CFAP299: variants seen among roughly 807,000 people sequenced by gnomAD.
The protein encoded by CFAP299 is cilia and flagella associated protein 299.
CFAP299 carries 21 observed loss-of-function variants against 27.0 expected under a neutral mutation model. That is an observed-to-expected ratio of 0.78 (90% CI 0.55 to 1.12). The LOEUF (loss-of-function observed/expected upper bound fraction) is 1.12, where lower values mean the gene tolerates loss of function less well. CFAP299 is among the 50% of genes most tolerant of loss of function. The pLI is 0.00. For synonymous variants in CFAP299, 104 were observed against 98.1 expected (o/e 1.06, Z -0.36); for missense variants, 310 against 276.6 (o/e 1.12, Z -0.86).
At chr4:80,895,798 A>G (rs758999161) in intron 4 of CFAP299, among the ~76,000 whole-genome samples, 10 of 152,016 alleles carry the variant, frequency 6.6e-5, no homozygotes, top group African/African-American at 9.7e-5. Flanking sequence ...GTAAGGAAAA[A>G]CTACTATTAG....
At chr4:80,486,119 T>A (rs1730809123) in intron 2 of CFAP299, among the ~76,000 whole-genome samples, 1 of 151,514 alleles carries the variant, frequency 6.6e-6, no homozygotes, top group Non-Finnish European at 1.5e-5. Context: ...GCCACATGAA[T>A]GACTATTAAG....
chr4:80,647,430 C>A (rs901061175), intron 3 of CFAP299, among the ~76,000 whole-genome samples: 1 of 152,008 alleles, frequency 6.6e-6, no homozygotes, highest in Non-Finnish European at 1.5e-5. Context: ...CATTTGTTTT[C>A]TCTGCATTTT....
chr4:80,583,760 A>G (rs1028585326), intron 3 of CFAP299, among the ~76,000 whole-genome samples: 2 of 151,990 alleles, frequency 1.3e-5, no homozygotes, highest in African/African-American at 4.8e-5. Flanking sequence ...CTTTGTTAAT[A>G]TGATATTTGT....
In CFAP299 at chr4:80,669,145, CTTTCTTT is replaced by C. The variant is rs1741318237; in HGVS notation, c.333+85966_333+85972del. Among the ~76,000 whole-genome samples, 33 of 16,388 alleles carry C rather than the reference CTTTCTTT, an allele frequency of 2.0e-3. 1 individual carries two copies. Among genetic ancestry groups the C allele is most frequent in the East Asian group, 0.015 (4 of 268 alleles). 10.8% of individuals were successfully genotyped at this position (16,388 alleles called of 152,430 possible). On this transcript the variant is annotated intron_variant, in intron 3 of 5. Transcript: ENST00000358105. ...TTTTCTTTTCTGTCTTTCTTTCTTT[CTTTCTTT>C]TTTTTTTTTTTTTTTTTTTTTTTTT...
At chr4:80,326,038 C>T in the CFAP299 span, among the ~76,000 whole-genome samples, 1 of 152,120 alleles carries the variant, frequency 6.6e-6, no homozygotes. Context: ...CTAGTATTTC[C>T]ATTTCCTGTT....
intron 3 of CFAP299, among the ~76,000 whole-genome samples, chr4:80,752,057 G>A (rs1724962737): frequency 6.6e-6 from 1 of 152,132 alleles, no homozygotes; most frequent in Non-Finnish European, 1.5e-5. Flanking sequence ...GGGCTCACAA[G>A]GGGATCTCCT....
chr4:80,678,196 C>G (rs77925317), intron 3 of CFAP299, among the ~76,000 whole-genome samples: 1,638 of 152,082 alleles, frequency 0.011, 33 homozygotes, highest in African/African-American at 0.036. Context: ...CCTGTCCGCT[C>G]TTCTCTGTCC....
chr4:80,805,125 C>A (rs966403454), intron 3 of CFAP299, among the ~76,000 whole-genome samples: 1 of 152,000 alleles, frequency 6.6e-6, no homozygotes, highest in Admixed American at 6.6e-5. Context: ...AGGAGCTACA[C>A]TGTTCATTAT....
At chr4:80,799,702 T>A (rs1322930978) in intron 3 of CFAP299, among the ~76,000 whole-genome samples, 5 of 54,468 alleles carry the variant, frequency 9.2e-5, no homozygotes, top group Non-Finnish European at 1.2e-4. Context: ...ATATATAAAA[T>A]ATATATTTTA....
At chr4:80,428,151 C>T (rs1042121940) in intron 2 of CFAP299, among the ~76,000 whole-genome samples, 2 of 152,116 alleles carry the variant, frequency 1.3e-5, no homozygotes, top group Non-Finnish European at 2.9e-5. Flanking sequence ...ACACCTTACC[C>T]CTGTTTTTGT....
intron 3 of CFAP299, among the ~76,000 whole-genome samples, chr4:80,587,438 T>C (rs944450539): frequency 6.6e-6 from 1 of 152,110 alleles, no homozygotes; most frequent in Non-Finnish European, 1.5e-5. Flanking sequence ...GATTTTCTAC[T>C]TATCACAAGC....
chr4:80,397,250 A>G (rs1225378904), intron 2 of CFAP299, among the ~76,000 whole-genome samples: 3 of 151,632 alleles, frequency 2.0e-5, no homozygotes. Flanking sequence ...TTTTTATTGC[A>G]TGTATTTGAT....
intron 2 of CFAP299, among the ~76,000 whole-genome samples, chr4:80,468,533 G>T (rs548136771): frequency 6.6e-6 from 1 of 152,056 alleles, no homozygotes; most frequent in South Asian, 2.1e-4. Flanking sequence ...CTATAATGTT[G>T]TTTTAATAAA....
At chr4:80,831,101 T>A (rs576900867) in intron 3 of CFAP299, among the ~76,000 whole-genome samples, 1 of 152,238 alleles carries the variant, frequency 6.6e-6, no homozygotes, top group African/African-American at 2.4e-5. Flanking sequence ...GACAGTCTCT[T>A]CTCAAATTGG....
At chr4:80,865,529 G>T (rs891321129) in intron 3 of CFAP299, among the ~76,000 whole-genome samples, 1 of 152,058 alleles carries the variant, frequency 6.6e-6, no homozygotes, top group African/African-American at 2.4e-5. Flanking sequence ...TAAATGTTTA[G>T]TTGTAATTTC....
At chr4:80,373,689 C>T (rs1724264278) in intron 2 of CFAP299, among the ~76,000 whole-genome samples, 1 of 152,100 alleles carries the variant, frequency 6.6e-6, no homozygotes, top group African/African-American at 2.4e-5. Flanking sequence ...CATCATTGGT[C>T]CTTATGATAA....
intron 3 of CFAP299, among the ~76,000 whole-genome samples, chr4:80,590,799 C>T (rs562548749): frequency 6.6e-6 from 1 of 151,910 alleles, no homozygotes; most frequent in Non-Finnish European, 1.5e-5. Flanking sequence ...AATAATATAC[C>T]TTAACTTAAG....
chr4:80,872,317 C>G (rs940269900), intron 4 of CFAP299: 5 of 152,004 alleles, frequency 3.3e-5, no homozygotes, highest in Non-Finnish European at 7.4e-5. Flanking sequence ...GTGTTAGCAT[C>G]TATTATTGAA....
At chr4:80,848,467 C>T (rs1731305983) in intron 3 of CFAP299, among the ~76,000 whole-genome samples, 1 of 152,034 alleles carries the variant, frequency 6.6e-6, no homozygotes, top group South Asian at 2.1e-4. Flanking sequence ...AATTGTAACA[C>T]AGTGGTAAGT....
Sources: gnomAD v4.1 joint callset for allele counts (sites outside exome capture counted in the v4.1 genomes callset) on GRCh38, gnomAD v4.1.1 for gene constraint, MANE v1.5 for transcripts, NCBI Gene and HGNC (gene_info 2026-07-23, HGNC 2026-07-21) for gene names.